Variants in DIAPH2 observed in about 807,000 individuals in gnomAD.
DIAPH2 encodes protein diaphanous homolog 2.
DIAPH2 carries 35 observed loss-of-function variants against 92.7 expected under a neutral mutation model. That is an observed-to-expected ratio of 0.38 (90% CI 0.29 to 0.50). The LOEUF (loss-of-function observed/expected upper bound fraction) is 0.50. Among genes scored for constraint, DIAPH2 ranks in the 20% least tolerant of loss-of-function variants. The pLI is 0.94. For missense variants in DIAPH2, 701 were observed against 819.5 expected (o/e 0.86, Z 1.77); for synonymous variants, 301 against 280.4 (o/e 1.07, Z -0.73).
Position 96,763,404 on chromosome X carries a change from C to A in DIAPH2, c.447+5146C>A, listed in dbSNP as rs1253416621. Among the ~76,000 whole-genome samples, 3 of 110,311 alleles carry A rather than the reference C, an allele frequency of 2.7e-5. No individual in the cohort carries two copies. The Admixed American group carries it at 2.9e-4, about 11-fold the overall frequency. On this transcript the variant is annotated intron_variant, in intron 4 of 26. Transcript: ENST00000324765. ...TATGCCTGTGTCAGTCTTTATGATT[C>A]TGATGAAATTGTATGTTTTACCTCA...
chrX:96,761,389 T>C (rs1237760488), intron 4 of DIAPH2, among the ~76,000 whole-genome samples: 2 of 109,662 alleles, frequency 1.8e-5, no homozygotes, highest in Non-Finnish European at 3.8e-5. Flanking sequence ...AAAATAGTGG[T>C]GCTAGCTACA....
intron 26 of DIAPH2, among the ~76,000 whole-genome samples, chrX:97,505,211 A>G (rs1461601643): frequency 8.9e-6 from 1 of 111,870 alleles, no homozygotes; most frequent in Non-Finnish European, 1.9e-5. Context: ...TCTCTTTTCT[A>G]TGTCATCTCT....
chrX:97,109,926 CT>C (rs2066967689), intron 20 of DIAPH2, among the ~76,000 whole-genome samples: 1 of 111,718 alleles, frequency 9.0e-6, no homozygotes, highest in Non-Finnish European at 1.9e-5. Context: ...CTTTGAACCC[CT>C]TACAGTATAC....
chrX:97,473,906 G>T (rs762209343), intron 26 of DIAPH2, among the ~76,000 whole-genome samples: 32 of 112,345 alleles, frequency 2.8e-4, no homozygotes, highest in Non-Finnish European at 5.1e-4. Context: ...GTTGCAGTGA[G>T]CAGAGATCAT....
At position 97,454,365 on chromosome X, in the gene DIAPH2, A is replaced by G. The variant is rs901405045; in HGVS notation, c.3241+24620A>G. 5.4e-5 allele frequency among the ~76,000 whole-genome samples: 6 copies of G among 111,166 alleles called. No individual in the cohort carries two copies. The South Asian group carries it at 1.1e-3, about 21-fold the overall frequency. The stretch of plus-strand genomic sequence containing the variant: ...AAACAAAAAGCAGAATACAGACTGT[A>G]TAATTGGTCTCAACTATGTAAAAAA... On this transcript the variant is annotated intron_variant, in intron 26 of 26. Transcript: ENST00000324765.
intron 17 of DIAPH2, among the ~76,000 whole-genome samples, chrX:97,012,443 G>A (rs182285163): frequency 9.8e-5 from 11 of 112,126 alleles, no homozygotes; most frequent in Non-Finnish European, 1.9e-4. Flanking sequence ...ACAGAACTGG[G>A]TGTTGAGCTG....
At chrX:97,151,540 A>T (rs1002160464) in intron 22 of DIAPH2, among the ~76,000 whole-genome samples, 4 of 108,553 alleles carry the variant, frequency 3.7e-5, no homozygotes, top group African/African-American at 1.3e-4. Flanking sequence ...GGTGTACTTT[A>T]TTTTAAAAAA....
chrX:97,115,398 C>T (rs777260576), intron 21 of DIAPH2, among the ~76,000 whole-genome samples: 12 of 110,011 alleles, frequency 1.1e-4, no homozygotes, highest in South Asian at 4.0e-4. Context: ...TAGTGGGGCG[C>T]GGTGACGGGT....
chrX:96,854,876 G>A (rs1183808737), intron 4 of DIAPH2, among the ~76,000 whole-genome samples: 1 of 107,441 alleles, frequency 9.3e-6, no homozygotes, highest in Non-Finnish European at 1.9e-5. Flanking sequence ...TAAAGCTGTG[G>A]AAGGGTAAAC....
At chrX:96,955,043 T>G (rs762054330) in intron 15 of DIAPH2, among the ~76,000 whole-genome samples, 1 of 112,832 alleles carries the variant, frequency 8.9e-6, no homozygotes, top group Non-Finnish European at 1.9e-5. Flanking sequence ...GAGGAGTATT[T>G]CACAAAATCT....
At chrX:96,688,167 TAG>T (rs1446278920) in intron 1 of DIAPH2, among the ~76,000 whole-genome samples, 1 of 111,888 alleles carries the variant, frequency 8.9e-6, no homozygotes. Context: ...CACGGTAGTG[TAG>T]AGTGACCTAA....
At chrX:97,062,653 G>A (rs752761349) in intron 17 of DIAPH2, among the ~76,000 whole-genome samples, 4 of 111,482 alleles carry the variant, frequency 3.6e-5, no homozygotes, top group Non-Finnish European at 5.6e-5. Flanking sequence ...ATTCTCGTAT[G>A]TCTTTTTACA....
intron 22 of DIAPH2, among the ~76,000 whole-genome samples, chrX:97,142,734 G>A (rs891583212): frequency 3.6e-5 from 4 of 111,878 alleles, no homozygotes; most frequent in African/African-American, 9.7e-5. Flanking sequence ...GAGAAGAAGT[G>A]CATTTTCCCT....
chrX:97,538,174 G>A (rs1019452369), intron 26 of DIAPH2, among the ~76,000 whole-genome samples: 4 of 111,148 alleles, frequency 3.6e-5, no homozygotes, highest in Admixed American at 9.6e-5. Flanking sequence ...GTGAGCCACC[G>A]CGCCCAGCCA....
chrX:96,805,394 A>T (rs1206041633), intron 4 of DIAPH2, among the ~76,000 whole-genome samples: 3 of 111,039 alleles, frequency 2.7e-5, no homozygotes, highest in African/African-American at 9.8e-5. Flanking sequence ...GAACAAGGCA[A>T]GGTAGTGAGC....
At chrX:96,946,810 A>G (rs774053873) in intron 14 of DIAPH2, among the ~76,000 whole-genome samples, 4 of 111,516 alleles carry the variant, frequency 3.6e-5, no homozygotes, top group Non-Finnish European at 7.5e-5. Context: ...GTGAGCATAT[A>G]TATTATGGAA....
chrX:97,223,529 C>T (rs919966323), intron 22 of DIAPH2, among the ~76,000 whole-genome samples: 2 of 111,415 alleles, frequency 1.8e-5, no homozygotes, highest in African/African-American at 3.3e-5. Flanking sequence ...TTCATTTACT[C>T]GATTACATAT....
At chrX:97,379,620 A>G (rs2069534066) in intron 24 of DIAPH2, among the ~76,000 whole-genome samples, 1 of 112,019 alleles carries the variant, frequency 8.9e-6, no homozygotes, top group Admixed American at 9.5e-5. Context: ...GATTTTTCTG[A>G]TTCCAGGATC....
intron 1 of DIAPH2, among the ~76,000 whole-genome samples, chrX:96,735,415 A>G (rs1022232344): frequency 8.1e-5 from 9 of 110,736 alleles, no homozygotes; most frequent in African/African-American, 3.0e-4. Context: ...TAGCTTGAGG[A>G]TTCATTTCCA....
Sources: allele counts gnomAD v4.1 joint callset (sites outside exome capture counted in the v4.1 genomes callset), GRCh38; gene constraint gnomAD v4.1.1; transcripts MANE v1.5; gene names NCBI Gene and HGNC (gene_info 2026-07-23, HGNC 2026-07-21).